Variants in AMD1 observed in about 807,000 individuals in gnomAD.
AMD1 encodes the protein S-adenosylmethionine decarboxylase proenzyme.
Under a neutral mutation model 40.2 loss-of-function variants are expected in AMD1, and 11 were observed. The observed-to-expected ratio is 0.27, with a 90% confidence interval of 0.17 to 0.45. The LOEUF is 0.45. AMD1 is among the 20% of genes least tolerant of loss of function. The probability of loss-of-function intolerance (pLI) is 1.00; values close to 1 mark genes in which losing one functional copy is unlikely to be tolerated. For missense variants in AMD1, 257 were observed against 410.2 expected, an observed-to-expected ratio of 0.63 and a Z score of 3.23; for synonymous variants, 121 against 130.8, an observed-to-expected ratio of 0.93 and a Z score of 0.51.
chr6:110,854,073 T>A, the AMD1 span, among the ~76,000 whole-genome samples: 888 of 152,340 alleles, frequency 5.8e-3, 19 homozygotes, highest in African/African-American at 0.02. Flanking sequence ...TTTCAAAGCC[T>A]GTAGATGGCT....
chr6:110,841,736 A>G, the AMD1 span, among the ~76,000 whole-genome samples: 2 of 151,568 alleles, frequency 1.3e-5, no homozygotes, highest in South Asian at 4.2e-4. Flanking sequence ...CCCCATTAAA[A>G]AAAAAAAAAA....
Position 110,894,283 on chromosome 6 carries a change from C to T in AMD1, c.*667C>T, listed in dbSNP as rs1284250827. 1.3e-5 allele frequency: 2 copies of T among 152,652 alleles called. No homozygotes were observed. Among genetic ancestry groups the T allele is most frequent in the South Asian group, 2.1e-4 (1 of 4,828 alleles). The allele number at this position is 152,652 out of a possible 1,614,324, so 9.5% of individuals were successfully genotyped here. A position where few individuals can be genotyped will look rare whatever the true frequency, so the allele number is the denominator to read the frequency against. ...TTTCTTCCCTCTCCCTGGTGTCTCCCCCAAGACCCCAAATAAAGCAATACA... is the reference window on the plus strand; with the variant it reads ...TTTCTTCCCTCTCCCTGGTGTCTCCTCCAAGACCCCAAATAAAGCAATACA... On this transcript the variant is annotated 3_prime_UTR_variant, in exon 9 of 9. Coordinates refer to ENST00000368885, the MANE Select transcript of AMD1 (RefSeq NM_001634.6).
chr6:110,861,639 C>T, the AMD1 span, among the ~76,000 whole-genome samples: 6 of 151,860 alleles, frequency 4.0e-5, no homozygotes, highest in Non-Finnish European at 8.8e-5. Flanking sequence ...GTGAGGAGCT[C>T]GAGACCAGCC....
the AMD1 span, among the ~76,000 whole-genome samples, chr6:110,852,360 T>G: frequency 2.0e-5 from 3 of 151,778 alleles, no homozygotes. Flanking sequence ...TAGCTACAAC[T>G]ACAGGCACAC....
At chr6:110,887,947 A>G (rs559020721) in intron 2 of AMD1, among the ~76,000 whole-genome samples, 12 of 152,188 alleles carry the variant, frequency 7.9e-5, no homozygotes, top group Admixed American at 6.5e-4. Flanking sequence ...CGGCCTCCCA[A>G]AGTGCTGGGA....
At chr6:110,824,448 T>TA in the AMD1 span, among the ~76,000 whole-genome samples, 4 of 152,060 alleles carry the variant, frequency 2.6e-5, no homozygotes, top group South Asian at 2.1e-4. Flanking sequence ...GATTAAGAGA[T>TA]AAAAAATGAC....
At chr6:110,863,799 C>T in the AMD1 span, 2 of 319,916 alleles carry the variant, frequency 6.3e-6, no homozygotes, top group African/African-American at 4.5e-5. Flanking sequence ...TAAAAACTTA[C>T]CATGAAACAA....
At chr6:110,821,786 C>T in the AMD1 span, among the ~76,000 whole-genome samples, 76 of 151,946 alleles carry the variant, frequency 5.0e-4, no homozygotes, top group Non-Finnish European at 9.4e-4. Context: ...CATAAGTTAT[C>T]AAATATCAAA....
At chr6:110,815,075 TCAAA>T in the AMD1 span, 1 of 1,604,570 alleles carries the variant, frequency 6.2e-7, no homozygotes, top group Non-Finnish European at 8.5e-7. Context: ...CCCTTCGTAC[TCAAA>T]CAAATCCTCC....
the AMD1 span, among the ~76,000 whole-genome samples, chr6:110,840,842 A>G: frequency 2.0e-5 from 3 of 152,152 alleles, no homozygotes; most frequent in Non-Finnish European, 2.9e-5. Context: ...GGCCTGCCCA[A>G]CACACTCAGC....
chr6:110,881,661 C>CA (rs532903964), intron 1 of AMD1, among the ~76,000 whole-genome samples: 207 of 147,844 alleles, frequency 1.4e-3, no homozygotes, highest in African/African-American at 4.3e-3. Context: ...ACTAAAAATA[C>CA]AAAAAAAAAA....
At chr6:110,890,771 G>A (rs12660659) in intron 4 of AMD1, 14,761 of 153,262 alleles carry the variant, frequency 0.096, 823 homozygotes, top group Middle Eastern at 0.14. Context: ...TTACAAGTGT[G>A]AGTTACTGCA....
At chr6:110,847,247 C>CG in the AMD1 span, among the ~76,000 whole-genome samples, 1 of 151,892 alleles carries the variant, frequency 6.6e-6, no homozygotes, top group African/African-American at 2.4e-5. Context: ...TTCTAAAGAC[C>CG]GGGCACAGTG....
the AMD1 span, among the ~76,000 whole-genome samples, chr6:110,862,093 C>T: frequency 6.8e-6 from 1 of 147,208 alleles, no homozygotes; most frequent in Non-Finnish European, 1.5e-5. Context: ...GATCTTGGCT[C>T]ACTGCAACCT....
At chr6:110,874,458 A>AT (rs34003022), upstream of AMD1, among the ~76,000 whole-genome samples, 19 of 147,554 alleles carry the variant, frequency 1.3e-4, no homozygotes, top group African/African-American at 1.5e-4. Flanking sequence ...TCTGCTAATC[A>AT]TTTTTTTTTT....
chr6:110,888,380 CCT>C (rs1198079665), intron 2 of AMD1: 3 of 152,858 alleles, frequency 2.0e-5, no homozygotes, highest in Non-Finnish European at 4.4e-5. Flanking sequence ...GGCGCAATCT[CCT>C]CTCACTGCAA....
chr6:110,893,470 C>T lies in AMD1; in HGVS notation c.865-6C>T. 1 of 1,611,336 alleles carries T rather than the reference C, an allele frequency of 6.2e-7. No individual in the cohort carries two copies. The highest frequency in any genetic ancestry group is 8.5e-7 in the Non-Finnish European group (1 of 1,179,102). On this transcript the variant is annotated splice_region_variant and splice_polypyrimidine_tract_variant and intron_variant, in intron 8 of 8. Transcript: ENST00000368885. ...ACACTAACGGTTATTTAATTTTTTCCCCCAGAGTTCTAAATGTCGCACAGT... is the reference window on the plus strand; with the variant it reads ...ACACTAACGGTTATTTAATTTTTTCTCCCAGAGTTCTAAATGTCGCACAGT...
the AMD1 span, chr6:110,815,203 C>A: frequency 6.9e-7 from 1 of 1,458,748 alleles, no homozygotes; most frequent in Non-Finnish European, 9.1e-7. Flanking sequence ...CTCCTCCTCC[C>A]CCCGCGACCG....
chr6:110,885,962 A>G (rs770795234), intron 1 of AMD1, among the ~76,000 whole-genome samples: 2 of 152,216 alleles, frequency 1.3e-5, no homozygotes, highest in Non-Finnish European at 1.5e-5. Context: ...CTGGTTAACA[A>G]AAGATTTGCC....
Sources: allele counts gnomAD v4.1 joint callset (sites outside exome capture counted in the v4.1 genomes callset), GRCh38; gene constraint gnomAD v4.1.1; transcripts MANE v1.5; gene names NCBI Gene and HGNC (gene_info 2026-07-23, HGNC 2026-07-21).